The following FGF14 variants were observed in gnomAD, a reference collection of about 807,000 sequenced individuals.
FGF14 encodes fibroblast growth factor homologous factor 4.
Under a neutral mutation model 25.5 loss-of-function variants are expected in FGF14, and 5 were observed. That is an observed-to-expected ratio of 0.20 (90% CI 0.10 to 0.41). FGF14 has a LOEUF of 0.41. Ranked by LOEUF, FGF14 falls within the 10% of genes least tolerant of loss-of-function variation. The pLI, the probability that FGF14 is intolerant of heterozygous loss-of-function variation, is 1.00. For missense variants in FGF14, 222 were observed against 320.1 expected, an observed-to-expected ratio of 0.69 and a Z score of 2.34; for synonymous variants, 138 against 118.3, an observed-to-expected ratio of 1.17 and a Z score of -1.08.
chr13:102,090,488 T>C (rs140560697), intron 1 of FGF14, among the ~76,000 whole-genome samples: 122 of 152,334 alleles, frequency 8.0e-4, no homozygotes, highest in Middle Eastern at 3.4e-3. Context: ...ATGTTGTGTT[T>C]ACAACCTTTA....
At chr13:102,401,163 A>G (rs2058695493) in intron 1 of FGF14, among the ~76,000 whole-genome samples, 1 of 151,944 alleles carries the variant, frequency 6.6e-6, no homozygotes. Flanking sequence ...CACAACCTTA[A>G]GCCATAGCCC....
rs113496179 is a variant in FGF14, at chr13:102,297,010, C to A, written c.208+104461G>T. ...ATCATTTAATCAACAACAACAACAA[C>A]AAAAAAAGTAATTTTACAGTGGAAT... On this transcript the variant is annotated intron_variant, in intron 1 of 4. Coordinates refer to the FGF14 transcript ENST00000376131. 4.0e-3 allele frequency among the ~76,000 whole-genome samples: 614 copies of A among 152,010 alleles called. 3 individuals carry two copies. Among genetic ancestry groups the A allele is most frequent in the African/African-American group, 0.012 (496 of 41,488 alleles).
chr13:102,177,351 CAG>C, intron 1 of FGF14, among the ~76,000 whole-genome samples: 1 of 152,280 alleles, frequency 6.6e-6, no homozygotes. Context: ...AATTCAAAGA[CAG>C]TGACTTCAGA....
chr13:102,273,487 A>C (rs2141172001), intron 1 of FGF14, among the ~76,000 whole-genome samples: 1 of 152,342 alleles, frequency 6.6e-6, no homozygotes, highest in Non-Finnish European at 1.5e-5. Context: ...CATGATAAAA[A>C]TAAGCACTGT....
intron 1 of FGF14, among the ~76,000 whole-genome samples, chr13:101,924,655 T>C (rs1387500344): frequency 6.6e-6 from 1 of 152,206 alleles, no homozygotes; most frequent in Non-Finnish European, 1.5e-5. Context: ...ATCCAAATAA[T>C]ATGTGTATAA....
At chr13:101,790,581 T>C (rs189367554) in intron 3 of FGF14, among the ~76,000 whole-genome samples, 102 of 152,252 alleles carry the variant, frequency 6.7e-4, no homozygotes, top group Non-Finnish European at 1.3e-3. Flanking sequence ...TAAGTGTACA[T>C]TGTTAAAATA....
chr13:102,188,107 G>A (rs1182226726), intron 1 of FGF14, among the ~76,000 whole-genome samples: 1 of 152,114 alleles, frequency 6.6e-6, no homozygotes, highest in Non-Finnish European at 1.5e-5. Flanking sequence ...GCAAGAACCA[G>A]ATACCTAGGC....
In FGF14 at chr13:102,332,412, C is replaced by A. The variant is rs1001219766; in HGVS notation, c.208+69059G>T. ...AATATTTTAAAAATATATCTTAAAT[C>A]TAAAATCACATTTTTAATCATCAGA... is the stretch of plus-strand genomic sequence containing the variant. On this transcript the variant is annotated intron_variant, in intron 1 of 4. Coordinates refer to the FGF14 transcript ENST00000376131. 5.3e-5 allele frequency among the ~76,000 whole-genome samples: 8 copies of A among 152,020 alleles called. No homozygotes were observed. In the East Asian group the frequency reaches 1.5e-3, roughly 29 times the overall value.
chr13:101,873,577 A>G (rs1464022639), intron 2 of FGF14, among the ~76,000 whole-genome samples: 1 of 151,926 alleles, frequency 6.6e-6, no homozygotes, highest in South Asian at 2.1e-4. Flanking sequence ...GAATCGCTAA[A>G]CTTTGTGACC....
At chr13:102,289,292 C>A (rs1051157698) in intron 1 of FGF14, among the ~76,000 whole-genome samples, 1 of 152,180 alleles carries the variant, frequency 6.6e-6, no homozygotes. Context: ...ATACACCATT[C>A]ATTCCCAGCA....
At chr13:101,830,049 G>A (rs1046429754) in intron 3 of FGF14, among the ~76,000 whole-genome samples, 54 of 152,206 alleles carry the variant, frequency 3.5e-4, no homozygotes, top group Admixed American at 5.2e-4. Context: ...TTAGGCAGGC[G>A]ACTGAATCTC....
chr13:101,838,732 G>GA (rs2043051918), intron 3 of FGF14, among the ~76,000 whole-genome samples: 1 of 151,800 alleles, frequency 6.6e-6, no homozygotes, highest in African/African-American at 2.4e-5. Flanking sequence ...GCTAACTCAG[G>GA]AAAAAACAAA....
chr13:102,163,580 T>C lies in FGF14; in HGVS notation c.208+237891A>G, dbSNP rs150224884. On this transcript the variant is annotated intron_variant, in intron 1 of 4. Transcript: ENST00000376131. ...AGAGAAGCACCAACTAGGATTGAAA[T>C]CTCTGGGGGGTTCTCAGAGGTCACT... Among the ~76,000 whole-genome samples the C allele has an allele frequency of 5.9e-5, 9 of 152,160 alleles. No homozygotes were observed. The East Asian group carries it at 1.5e-3, about 26-fold the overall frequency.
intron 3 of FGF14, among the ~76,000 whole-genome samples, chr13:101,853,339 T>C (rs1049285211): frequency 6.6e-6 from 1 of 152,128 alleles, no homozygotes; most frequent in East Asian, 1.9e-4. Context: ...AAGAAGCAAC[T>C]TTGACACTAA....
intron 1 of FGF14, among the ~76,000 whole-genome samples, chr13:102,334,623 T>A (rs1388112656): frequency 6.6e-6 from 1 of 152,118 alleles, no homozygotes; most frequent in African/African-American, 2.4e-5. Flanking sequence ...CACTACAGAT[T>A]AGTTGGGATA....
rs56200654 is a variant in FGF14, at chr13:101,720,530, CTGTGTGTGTGTGTGTGTG to C, written c.*2283_*2300del. The C allele has an allele frequency of 1.1e-4, 16 of 147,672 alleles. No individual in the cohort carries two copies. The highest frequency in any genetic ancestry group is 5.4e-4 in the Admixed American group (8 of 14,768). The allele number at this position is 147,672 out of a possible 1,614,324, so 9.1% of individuals were successfully genotyped here. A position where few individuals can be genotyped will look rare whatever the true frequency, so the allele number is the denominator to read the frequency against. On this transcript the variant is annotated 3_prime_UTR_variant, in exon 5 of 5. Coordinates refer to ENST00000376143, the MANE Select transcript of FGF14 (RefSeq NM_004115.4). ...TAACAAATAGATGGGGGTGTTTGCT[CTGTGTGTGTGTGTGTGTG>C]TGTGTGTGTGTGTGTGTATATGTGT...
intron 1 of FGF14, among the ~76,000 whole-genome samples, chr13:101,958,042 A>T (rs1381310030): frequency 1.3e-5 from 2 of 152,256 alleles, no homozygotes; most frequent in Admixed American, 1.3e-4. Flanking sequence ...TACAGTAAAT[A>T]AAACACATTG....
chr13:102,351,802 G>C (rs1255932034), intron 1 of FGF14, among the ~76,000 whole-genome samples: 1 of 152,222 alleles, frequency 6.6e-6, no homozygotes, highest in Non-Finnish European at 1.5e-5. Flanking sequence ...GGAGAAAAGA[G>C]AGCCAAGGTG....
intron 1 of FGF14, among the ~76,000 whole-genome samples, chr13:101,904,829 A>G (rs2032033968): frequency 6.6e-6 from 1 of 152,236 alleles, no homozygotes; most frequent in Non-Finnish European, 1.5e-5. Context: ...TCAGTTCAGC[A>G]GCAGTAGCAT....
Sources: allele counts gnomAD v4.1 joint callset (sites outside exome capture counted in the v4.1 genomes callset), GRCh38; gene constraint gnomAD v4.1.1; transcripts MANE v1.5; gene names NCBI Gene and HGNC (gene_info 2026-07-23, HGNC 2026-07-21).